PLCB1: variants seen among roughly 807,000 people sequenced by gnomAD.
PLCB1 encodes the protein phospholipase C beta 1.
Under a neutral mutation model 161.8 loss-of-function variants are expected in PLCB1, and 46 were observed. The observed-to-expected ratio is 0.28, with a 90% CI of 0.22 to 0.36. The LOEUF (loss-of-function observed/expected upper bound fraction) is 0.36, where lower values mean the gene tolerates loss of function less well. Ranked by LOEUF, PLCB1 falls within the 10% of genes least tolerant of loss-of-function variation. PLCB1 has a pLI of 1.00. For missense variants in PLCB1, 1,016 were observed against 1,472.5 expected (o/e 0.69, Z 5.07); for synonymous variants, 517 against 503.7 (o/e 1.03, Z -0.35).
At chr20:8,181,835 C>T (rs1176216096) in intron 2 of PLCB1, among the ~76,000 whole-genome samples, 3 of 151,936 alleles carry the variant, frequency 2.0e-5, no homozygotes, top group African/African-American at 4.8e-5. Flanking sequence ...CTGGGCATGG[C>T]GAATCACATC....
At chr20:8,745,089 A>G (rs1453540689) in intron 23 of PLCB1, among the ~76,000 whole-genome samples, 1 of 152,164 alleles carries the variant, frequency 6.6e-6, no homozygotes, top group Non-Finnish European at 1.5e-5. Context: ...TGGAGTCTAT[A>G]TTGGTCTAAT....
intron 2 of PLCB1, among the ~76,000 whole-genome samples, chr20:8,342,165 A>G (rs1278567615): frequency 6.6e-6 from 1 of 152,204 alleles, no homozygotes; most frequent in African/African-American, 2.4e-5. Context: ...CAAGCAGTAA[A>G]TAGATCACAC....
chr20:8,410,359 C>A (rs1353998297), intron 3 of PLCB1, among the ~76,000 whole-genome samples: 1 of 151,906 alleles, frequency 6.6e-6, no homozygotes, highest in African/African-American at 2.4e-5. Flanking sequence ...AAGTAGTTGC[C>A]CTAATCTACA....
chr20:8,600,397 C>A (rs1215141548), intron 3 of PLCB1, among the ~76,000 whole-genome samples: 3 of 134,036 alleles, frequency 2.2e-5, no homozygotes, highest in Non-Finnish European at 4.8e-5. Context: ...GGGGTGCCTC[C>A]CAGTTAGGCT....
chr20:8,729,305 A>G, intron 18 of PLCB1, 131 bp downstream of exon 18: 1 of 763,094 alleles, frequency 1.3e-6, no homozygotes, highest in Non-Finnish European at 2.0e-6. Context: ...AATTTCAATG[A>G]AGGGAATATC....
chr20:8,511,079 A>G (rs1405507895), intron 3 of PLCB1, among the ~76,000 whole-genome samples: 1 of 152,156 alleles, frequency 6.6e-6, no homozygotes, highest in Non-Finnish European at 1.5e-5. Flanking sequence ...AATAGATCTC[A>G]AAAATTATTC....
intron 3 of PLCB1, among the ~76,000 whole-genome samples, chr20:8,481,780 A>G (rs1982507829): frequency 6.6e-6 from 1 of 152,148 alleles, no homozygotes; most frequent in Non-Finnish European, 1.5e-5. Context: ...TGAACTTATA[A>G]ATCATTTGAA....
At chr20:8,181,049 G>C (rs1278715222) in intron 2 of PLCB1, among the ~76,000 whole-genome samples, 1 of 151,690 alleles carries the variant, frequency 6.6e-6, no homozygotes, top group African/African-American at 2.4e-5. Context: ...TCAGGAGTTC[G>C]AGACCAGCCT....
chr20:8,802,450 T>C (rs1224925234), intron 31 of PLCB1: 1 of 367,406 alleles, frequency 2.7e-6, no homozygotes, highest in Admixed American at 4.8e-5. Flanking sequence ...TGTTTCTCTA[T>C]TGGCAAATTT....
At chr20:8,551,471 T>C (rs929068631) in intron 3 of PLCB1, among the ~76,000 whole-genome samples, 4 of 152,210 alleles carry the variant, frequency 2.6e-5, no homozygotes, top group African/African-American at 9.6e-5. Context: ...CTGGCACAGA[T>C]ATGTTCTTCG....
intron 2 of PLCB1, among the ~76,000 whole-genome samples, chr20:8,357,540 G>A (rs1208918593): frequency 6.6e-6 from 1 of 152,074 alleles, no homozygotes; most frequent in African/African-American, 2.4e-5. Context: ...TGTTGGCTGG[G>A]TGTGGTGGCT....
intron 2 of PLCB1, among the ~76,000 whole-genome samples, chr20:8,324,882 G>A (rs1174805873): frequency 6.6e-6 from 1 of 152,172 alleles, no homozygotes; most frequent in Non-Finnish European, 1.5e-5. Context: ...TGCAGTTCTG[G>A]GTATTTGAAA....
chr20:8,428,002 G>A (rs1002165780), intron 3 of PLCB1, among the ~76,000 whole-genome samples: 13 of 152,100 alleles, frequency 8.5e-5, no homozygotes, highest in Non-Finnish European at 1.3e-4. Context: ...TGCTGAATGT[G>A]TGGCAAGTTT....
chr20:8,592,952 C>G (rs927315387), intron 3 of PLCB1, among the ~76,000 whole-genome samples: 2 of 152,182 alleles, frequency 1.3e-5, no homozygotes, highest in East Asian at 3.9e-4. Context: ...GAAACCCAGG[C>G]TGCACCCAGT....
chr20:8,628,808 C>T (rs1988437154), intron 4 of PLCB1, among the ~76,000 whole-genome samples: 1 of 151,960 alleles, frequency 6.6e-6, no homozygotes, highest in Non-Finnish European at 1.5e-5. Flanking sequence ...GTGGCGGGCA[C>T]CTCTAATCCC....
At chr20:8,259,992 A>G (rs1347748848) in intron 2 of PLCB1, among the ~76,000 whole-genome samples, 1 of 152,166 alleles carries the variant, frequency 6.6e-6, no homozygotes, top group African/African-American at 2.4e-5. Flanking sequence ...CATATTCTAA[A>G]TCAGTCTATC....
At chr20:8,701,858 A>G (rs1278070052) in intron 11 of PLCB1, among the ~76,000 whole-genome samples, 6 of 152,188 alleles carry the variant, frequency 3.9e-5, no homozygotes, top group African/African-American at 1.4e-4. Context: ...TACACATAAT[A>G]TGTTGGTAGA....
chr20:8,277,444 A>T (rs537268817), intron 2 of PLCB1, among the ~76,000 whole-genome samples: 1 of 152,240 alleles, frequency 6.6e-6, no homozygotes, highest in African/African-American at 2.4e-5. Flanking sequence ...TCTTAGATAT[A>T]TAAATGCTAC....
chr20:8,760,393 C>A lies in PLCB1; in HGVS notation c.2657-14C>A. 1 of 1,563,620 alleles carries A rather than the reference C, an allele frequency of 6.4e-7. No homozygotes were observed. Among genetic ancestry groups the A allele is most frequent in the Non-Finnish European group, 8.8e-7 (1 of 1,137,484 alleles). On this transcript the variant is annotated splice_polypyrimidine_tract_variant and intron_variant, in intron 24 of 31. Coordinates refer to ENST00000338037, the MANE Select transcript of PLCB1 (RefSeq NM_015192.4). Reference sequence around the variant, plus strand: ...AAGTTGAAGAGGCTATTTATTTTATCTTTTATATTACAGGTTCTGTAAAGG... The same window carrying A: ...AAGTTGAAGAGGCTATTTATTTTATATTTTATATTACAGGTTCTGTAAAGG...
Sources: allele counts gnomAD v4.1 joint callset (sites outside exome capture counted in the v4.1 genomes callset), GRCh38; gene constraint gnomAD v4.1.1; transcripts MANE v1.5; gene names NCBI Gene and HGNC (gene_info 2026-07-23, HGNC 2026-07-21).